PRKAA2: variants seen among roughly 807,000 people sequenced by gnomAD.
The protein encoded by PRKAA2 is 5'-AMP-activated protein kinase catalytic subunit alpha-2.
In PRKAA2, 40 loss-of-function variants were observed where a neutral mutation model predicts 56.3. The observed-to-expected ratio is 0.71, with a 90% confidence interval of 0.55 to 0.92. The LOEUF (loss-of-function observed/expected upper bound fraction) is 0.92, where lower values mean the gene tolerates loss of function less well. Among genes scored for constraint, PRKAA2 ranks in the 40% least tolerant of loss-of-function variants. The pLI is 0.00. For missense variants in PRKAA2, 542 were observed against 686.9 expected (o/e 0.79, Z 2.36); for synonymous variants, 214 against 234.2 (o/e 0.91, Z 0.79).
At chr1:56,685,319 G>A (rs1644183383) in intron 2 of PRKAA2, among the ~76,000 whole-genome samples, 1 of 29,818 alleles carries the variant, frequency 3.4e-5, no homozygotes, top group Non-Finnish European at 6.1e-5. Context: ...AATTCAGAAT[G>A]AGAAGGAGTT....
intron 1 of PRKAA2, 95 bp downstream of exon 1, chr1:56,645,576 G>C: frequency 8.2e-7 from 1 of 1,214,420 alleles, no homozygotes; most frequent in Non-Finnish European, 1.1e-6. Context: ...CGGGCGCGGG[G>C]CTCGGCGGCA....
intron 6 of PRKAA2, among the ~76,000 whole-genome samples, chr1:56,698,334 A>G (rs1044982090): frequency 4.6e-5 from 7 of 152,202 alleles, no homozygotes; most frequent in Admixed American, 4.6e-4. Flanking sequence ...ATGTTATTGC[A>G]TTGACTTTTC....
chr1:56,657,082 A>G (rs1383545726), intron 1 of PRKAA2, among the ~76,000 whole-genome samples: 3 of 152,230 alleles, frequency 2.0e-5, no homozygotes, highest in Non-Finnish European at 4.4e-5. Flanking sequence ...AACCATTCCT[A>G]GAGATATCAT....
At position 56,645,374 on chromosome 1, in the gene PRKAA2, C is replaced by T. The variant is rs541961658; in HGVS notation, c.-14C>T. ...GGAGCGGCAGGCGGTGGAGCGAGGC[C>T]GCGCGCGCCGAAGATGGCTGAGAAG... On this transcript the variant is annotated 5_prime_UTR_variant, in exon 1 of 9. Transcript: ENST00000371244. 16 of 1,462,814 alleles carry T rather than the reference C, an allele frequency of 1.1e-5. No individual in the cohort carries two copies. In the South Asian group the frequency reaches 1.6e-4, roughly 15 times the overall value. The allele number at this position is 1,462,814 out of a possible 1,614,324, so 90.6% of individuals were successfully genotyped here.
rs184508257 is a variant in PRKAA2 at position 56,655,909 on chromosome 1, C to A, written c.94+10428C>A. 2.9e-4 allele frequency among the ~76,000 whole-genome samples: 44 copies of A among 152,200 alleles called. No homozygotes were observed. In the East Asian group the frequency reaches 7.9e-3, roughly 27 times the overall value. ...GAAGATAAAACTGTCAGAGCCTCTA[C>A]AGATTTTCATACACAATGTTCAGCA... On this transcript the variant is annotated intron_variant, in intron 1 of 8. Coordinates refer to ENST00000371244, the MANE Select transcript of PRKAA2 (RefSeq NM_006252.4).
intron 4 of PRKAA2, 87 bp from the exon 5 acceptor site, chr1:56,693,678 C>T: frequency 1.2e-6 from 1 of 841,920 alleles, no homozygotes; most frequent in Non-Finnish European, 1.8e-6. Context: ...ATGGAGGATC[C>T]AGGACTTGAA....
intron 1 of PRKAA2, among the ~76,000 whole-genome samples, chr1:56,665,158 C>T: frequency 6.6e-6 from 1 of 151,734 alleles, no homozygotes; most frequent in East Asian, 1.9e-4. Context: ...ACTGCAACCT[C>T]CGCCTCCCCG....
intron 2 of PRKAA2, among the ~76,000 whole-genome samples, chr1:56,683,988 A>G (rs1644173901): frequency 6.6e-6 from 1 of 152,178 alleles, no homozygotes; most frequent in Non-Finnish European, 1.5e-5. Flanking sequence ...ACCAATTGGG[A>G]GTCAATTGCA....
intron 2 of PRKAA2, among the ~76,000 whole-genome samples, chr1:56,690,074 C>G (rs910991954): frequency 6.6e-6 from 1 of 150,808 alleles, no homozygotes; most frequent in African/African-American, 2.5e-5. Flanking sequence ...CAAATCTCAA[C>G]ATTATCTTTT....
At position 56,648,166 on chromosome 1, in the gene PRKAA2, T is replaced by G. The variant is rs142078104; in HGVS notation, c.94+2685T>G. ...TTGCAACCATCATTATAGATAGGTT[T>G]TAGGACATTTGAGGACACCACAGTA... On this transcript the variant is annotated intron_variant, in intron 1 of 8. Transcript: ENST00000371244. 3.9e-4 allele frequency among the ~76,000 whole-genome samples: 59 copies of G among 152,332 alleles called. No homozygotes were observed. In the East Asian group the frequency reaches 7.5e-3, roughly 19 times the overall value.
At chr1:56,657,404 G>A (rs544300102) in intron 1 of PRKAA2, among the ~76,000 whole-genome samples, 1 of 152,182 alleles carries the variant, frequency 6.6e-6, no homozygotes, top group Admixed American at 6.5e-5. Context: ...TAAGCTGGGC[G>A]TGGTGGCTCA....
At chr1:56,670,637 CAGA>C (rs538537169) in intron 1 of PRKAA2, among the ~76,000 whole-genome samples, 141 of 152,262 alleles carry the variant, frequency 9.3e-4, no homozygotes, top group African/African-American at 3.3e-3. Flanking sequence ...AAGAAAGATG[CAGA>C]AGATATTGGG....
rs1405667411 is a variant in PRKAA2, at chr1:56,711,249, T to C, written c.*3536T>C. ...TTGCTTTTTCTTATTCCCTAGACAGTTTGTACTCAGGGAATACAAATTGAT... is the reference window on the plus strand; with the variant it reads ...TTGCTTTTTCTTATTCCCTAGACAGCTTGTACTCAGGGAATACAAATTGAT... On this transcript the variant is annotated 3_prime_UTR_variant, in exon 9 of 9. Coordinates refer to ENST00000371244, the MANE Select transcript of PRKAA2 (RefSeq NM_006252.4). 1 of 152,126 alleles carries C rather than the reference T, an allele frequency of 6.6e-6. No individual in the cohort carries two copies. Among genetic ancestry groups the C allele is most frequent in the Non-Finnish European group, 1.5e-5 (1 of 67,990 alleles). The allele number at this position is 152,126 out of a possible 1,614,324, so 9.4% of individuals were successfully genotyped here.
At chr1:56,655,280 A>ATATATATATTTTTTTTTTTTTTTT in intron 1 of PRKAA2, among the ~76,000 whole-genome samples, 21 of 93,642 alleles carry the variant, frequency 2.2e-4, no homozygotes, top group South Asian at 5.3e-4. Flanking sequence ...ATATATATAT[A>ATATATATATTTTTTTTTTTTTTTT]TTTTTTTTTT....
rs1217189824 is a variant in PRKAA2, at chr1:56,708,314, A to G, written c.*601A>G. On this transcript the variant is annotated 3_prime_UTR_variant, in exon 9 of 9. Transcript: ENST00000371244. ...GACTGTGGTCATGTAACAGGTAACC[A>G]CAATTTTCAGGTTTCTTAAAAACAG... 2.0e-5 allele frequency: 3 copies of G among 152,200 alleles called. No individual in the cohort carries two copies. Among genetic ancestry groups the G allele is most frequent in the Non-Finnish European group, 2.9e-5 (2 of 68,064 alleles). The allele number at this position is 152,200 out of a possible 1,614,324, so 9.4% of individuals were successfully genotyped here.
In PRKAA2 at chr1:56,704,061, G is replaced by A; in HGVS notation, c.879G>A (p.Val293=). The stretch of plus-strand genomic sequence containing the variant: ...CTAACGTCATTGATGATGAGGCTGT[G>A]AAAGAAGTGTGTGAAAAATTTGAAT... ...YDANVIDDEA[V]KEVCEKFECT... The change falls in exon 7 of 9, where the codon GTG becomes GTA. Residue 293 remains valine, a synonymous_variant. Coordinates refer to ENST00000371244, the MANE Select transcript of PRKAA2 (RefSeq NM_006252.4). The A allele has an allele frequency of 1.9e-6, 3 of 1,614,120 alleles. No individual in the cohort carries two copies. Among genetic ancestry groups the A allele is most frequent in the Non-Finnish European group, 2.5e-6 (3 of 1,179,990 alleles).
intron 2 of PRKAA2, among the ~76,000 whole-genome samples, chr1:56,684,865 GTTAGCTT>G (rs1644180344): frequency 6.6e-6 from 1 of 152,126 alleles, no homozygotes; most frequent in Admixed American, 6.6e-5. Context: ...TCTAAACAAG[GTTAGCTT>G]TTTAAAATGG....
chr1:56,699,087 T>C (rs1644277271), intron 6 of PRKAA2, among the ~76,000 whole-genome samples: 2 of 152,158 alleles, frequency 1.3e-5, no homozygotes, highest in South Asian at 2.1e-4. Context: ...AGATCAAACC[T>C]TGTGAAATTG....
intron 1 of PRKAA2, among the ~76,000 whole-genome samples, chr1:56,664,823 C>T (rs1001231580): frequency 2.7e-5 from 4 of 149,506 alleles, no homozygotes; most frequent in African/African-American, 7.5e-5. Flanking sequence ...CATTTATATA[C>T]ATAGAAACAC....
Sources: gnomAD v4.1 joint callset for allele counts (sites outside exome capture counted in the v4.1 genomes callset) on GRCh38, gnomAD v4.1.1 for gene constraint, MANE v1.5 for transcripts, NCBI Gene and HGNC (gene_info 2026-07-23, HGNC 2026-07-21) for gene names.